The following ADAM2 variants were observed in gnomAD, a reference collection of about 807,000 sequenced individuals.
ADAM2 encodes the protein disintegrin and metalloproteinase domain-containing protein 2.
In ADAM2, 101 loss-of-function variants were observed where a neutral mutation model predicts 99.3. That is an observed-to-expected ratio of 1.02 (90% confidence interval 0.87 to 1.20). The LOEUF is 1.20. Ranked by LOEUF, ADAM2 falls within the 50% of genes most tolerant of loss-of-function variation. The pLI is 0.00. For missense variants in ADAM2, 948 were observed against 878.7 expected (o/e 1.08, Z -1.00); for synonymous variants, 323 against 287.6 (o/e 1.12, Z -1.25).
intron 12 of ADAM2, among the ~76,000 whole-genome samples, chr8:39,767,552 A>C (rs1802619890): frequency 6.6e-6 from 1 of 152,210 alleles, no homozygotes; most frequent in Admixed American, 6.5e-5. Flanking sequence ...GCTCTTGTAG[A>C]CAGAGATAGT....
At chr8:39,815,076 A>G (rs1354147612) in intron 6 of ADAM2, among the ~76,000 whole-genome samples, 1 of 152,064 alleles carries the variant, frequency 6.6e-6, no homozygotes, top group African/African-American at 2.4e-5. Context: ...CAATTTAACA[A>G]TGGATCACCA....
intron 7 of ADAM2, among the ~76,000 whole-genome samples, chr8:39,808,284 A>G (rs1175408864): frequency 1.3e-5 from 2 of 152,004 alleles, no homozygotes; most frequent in Non-Finnish European, 2.9e-5. Context: ...AACTTTTTTT[A>G]CACTACCAAA....
rs771019594 is a variant in ADAM2 at position 39,830,033 on chromosome 8, G to A, written c.188+3911C>T. On this transcript the variant is annotated intron_variant, in intron 3 of 20. Transcript: ENST00000265708. ...GGGCTATTATAGCAAATGAAAAACA[G>A]CACAACTTCTTGAGTGCAGTCAATA... 8.3e-4 allele frequency among the ~76,000 whole-genome samples: 127 copies of A among 152,098 alleles called. 1 individual carries two copies. Among genetic ancestry groups the A allele is most frequent in the Non-Finnish European group, 1.3e-3 (85 of 67,982 alleles).
chr8:39,807,375 ATGTTAGAGTTGGAGC>A (rs933529315), intron 7 of ADAM2, among the ~76,000 whole-genome samples: 1 of 152,144 alleles, frequency 6.6e-6, no homozygotes, highest in African/African-American at 2.4e-5. Context: ...TGGACTTTAA[ATGTTAGAGTTGGAGC>A]TGTTAGGATG....
chr8:39,781,018 T>C (rs1343492212), intron 10 of ADAM2, among the ~76,000 whole-genome samples: 1 of 151,914 alleles, frequency 6.6e-6, no homozygotes, highest in East Asian at 1.9e-4. Flanking sequence ...TTTTCTTTTT[T>C]TTTTTTTTGA....
chr8:39,766,872 G>A lies in ADAM2; in HGVS notation c.1483C>T (p.Gln495Ter), dbSNP rs1802585301. The A allele has an allele frequency of 6.2e-7, 1 of 1,607,574 alleles. No individual in the cohort carries two copies. The highest frequency in any genetic ancestry group is 8.5e-7 in the Non-Finnish European group (1 of 1,175,578). ...CCTTTGCCAAATGTGTCTGTACATT[G>A]TTTATCCCCACTCATACAAACTCCA... ...IDGVCMSGDK[Q>*]CTDTFGKEVE... Residue 495 changes from glutamine to a stop codon, truncating the protein, a stop_gained, in exon 14 of 21, where the codon CAA becomes TAA. Coordinates refer to ENST00000265708, the MANE Select transcript of ADAM2 (RefSeq NM_001464.5). LOFTEE classifies it high-confidence loss of function.
At chr8:39,819,000 T>C (rs752537125) in intron 6 of ADAM2, among the ~76,000 whole-genome samples, 2 of 151,998 alleles carry the variant, frequency 1.3e-5, no homozygotes, top group Non-Finnish European at 2.9e-5. Context: ...CAATCCTGGG[T>C]GCCATTTTTT....
intron 2 of ADAM2, among the ~76,000 whole-genome samples, chr8:39,835,561 T>C (rs1022855420): frequency 3.3e-5 from 5 of 151,842 alleles, no homozygotes; most frequent in Non-Finnish European, 5.9e-5. Flanking sequence ...CAGGTGCCTG[T>C]AGTCCCAGCT....
intron 7 of ADAM2, among the ~76,000 whole-genome samples, chr8:39,790,009 A>G (rs1803636360): frequency 6.6e-6 from 1 of 151,956 alleles, no homozygotes; most frequent in South Asian, 2.1e-4. Flanking sequence ...CATCCATTAG[A>G]ATCACTGTAA....
At chr8:39,805,240 A>G (rs554946850) in intron 7 of ADAM2, among the ~76,000 whole-genome samples, 98 of 152,320 alleles carry the variant, frequency 6.4e-4, no homozygotes, top group African/African-American at 2.3e-3. Context: ...ATTGGGGATT[A>G]TGTTTTGATA....
intron 4 of ADAM2, among the ~76,000 whole-genome samples, chr8:39,824,476 A>T (rs565555224): frequency 3.9e-5 from 6 of 152,242 alleles, no homozygotes; most frequent in African/African-American, 1.2e-4. Context: ...TACTTCAAAG[A>T]AGATTAGATT....
In ADAM2 at chr8:39,821,644, C is replaced by T; in HGVS notation, c.286G>A (p.Gly96Arg). 1 of 1,605,746 alleles carries T rather than the reference C, an allele frequency of 6.2e-7. No individual in the cohort carries two copies. Among genetic ancestry groups the T allele is most frequent in the Non-Finnish European group, 8.5e-7 (1 of 1,173,148 alleles). Residue 96 changes from glycine (G) to arginine (R), a missense_variant, in exon 5 of 21, where the codon GGG (glycine) becomes AGG (arginine). Transcript: ENST00000265708. ...QDFQNFCHYQ[G>R]YIEGYPKSVV... ...GATTTTGGATAACCTTCAATATACC[C>T]TTGGTAGTGGCAGAAATTCTGAAAG...
intron 7 of ADAM2, among the ~76,000 whole-genome samples, chr8:39,802,224 G>A (rs1203708444): frequency 6.6e-6 from 1 of 152,216 alleles, no homozygotes; most frequent in Non-Finnish European, 1.5e-5. Flanking sequence ...GCTGGGGGGA[G>A]GGGATTCCCC....
intron 8 of ADAM2, 36 bp from the exon 9 acceptor site, chr8:39,788,287 T>A: frequency 7.4e-7 from 1 of 1,345,876 alleles, no homozygotes; most frequent in African/African-American, 1.5e-5. Context: ...TGCTCAAAAG[T>A]CACAGTTTTT....
intron 7 of ADAM2, among the ~76,000 whole-genome samples, chr8:39,803,176 T>A (rs1271154578): frequency 6.6e-6 from 1 of 152,164 alleles, no homozygotes; most frequent in East Asian, 1.9e-4. Context: ...TGACTGAGAG[T>A]GGCACTAATG....
At chr8:39,782,194 TATTCA>T (rs928759855) in intron 10 of ADAM2, among the ~76,000 whole-genome samples, 1 of 152,148 alleles carries the variant, frequency 6.6e-6, no homozygotes, top group African/African-American at 2.4e-5. Context: ...TTGCTGAGAG[TATTCA>T]ATCTTGCTTT....
chr8:39,780,996 C>A (rs1011317516), intron 10 of ADAM2, among the ~76,000 whole-genome samples: 2 of 150,372 alleles, frequency 1.3e-5, no homozygotes, highest in African/African-American at 4.9e-5. Context: ...TTTTGTGTGG[C>A]GCTTTCATAC....
chr8:39,807,303 C>T (rs371905341), intron 7 of ADAM2, among the ~76,000 whole-genome samples: 4 of 152,278 alleles, frequency 2.6e-5, no homozygotes, highest in Admixed American at 2.0e-4. Context: ...AATTTTGCCT[C>T]AGTATGAATT....
intron 2 of ADAM2, among the ~76,000 whole-genome samples, chr8:39,834,378 A>G (rs1026593916): frequency 3.9e-5 from 6 of 152,124 alleles, no homozygotes; most frequent in Admixed American, 1.3e-4. Flanking sequence ...GATGCTGTTT[A>G]TATCTTTACC....
Sources: allele counts gnomAD v4.1 joint callset (sites outside exome capture counted in the v4.1 genomes callset), GRCh38; gene constraint gnomAD v4.1.1; transcripts MANE v1.5; gene names NCBI Gene and HGNC (gene_info 2026-07-23, HGNC 2026-07-21).